UPRT: variants seen among roughly 807,000 people sequenced by gnomAD.
UPRT encodes uracil phosphoribosyltransferase homolog, also known as RP11-311P8.3.
In UPRT, 5 loss-of-function variants were observed where a neutral mutation model predicts 22.6. The observed-to-expected ratio is 0.22, with a 90% CI of 0.12 to 0.47. The LOEUF (loss-of-function observed/expected upper bound fraction) is 0.47. UPRT is among the 20% of genes least tolerant of loss of function. UPRT has a pLI of 0.99. For missense variants in UPRT, 181 were observed against 239.9 expected (o/e 0.75, Z 1.62); for synonymous variants, 77 against 87.7 (o/e 0.88, Z 0.68).
chrX:75,237,467 A>G (rs1174292865), intron 4 of UPRT, among the ~76,000 whole-genome samples: 1 of 111,304 alleles, frequency 9.0e-6, no homozygotes, highest in African/African-American at 3.3e-5. Flanking sequence ...CCAAAGGACT[A>G]TAAATCATGC....
intron 4 of UPRT, among the ~76,000 whole-genome samples, chrX:75,215,399 G>T (rs1188371207): frequency 9.0e-6 from 1 of 111,357 alleles, no homozygotes; most frequent in Non-Finnish European, 1.9e-5. Context: ...ATTGACAACA[G>T]GATATTAATA....
chrX:75,229,053 T>A (rs181563444), intron 4 of UPRT, among the ~76,000 whole-genome samples: 461 of 111,957 alleles, frequency 4.1e-3, no homozygotes, highest in Non-Finnish European at 7.0e-3. Flanking sequence ...AACTTTCAGT[T>A]CTGAAATGAA....
chrX:75,279,243 C>T (rs1471257881), intron 1 of UPRT, among the ~76,000 whole-genome samples: 1 of 111,734 alleles, frequency 8.9e-6, no homozygotes, highest in Non-Finnish European at 1.9e-5. Context: ...ATTACATCAA[C>T]ACTGGAGGAA....
intron 4 of UPRT, among the ~76,000 whole-genome samples, chrX:75,240,592 A>G (rs1348421616): frequency 1.8e-5 from 2 of 111,753 alleles, no homozygotes; most frequent in African/African-American, 3.2e-5. Flanking sequence ...TAAAATTTAT[A>G]TGGAACAAAG....
chrX:75,168,363 A>G (rs1334087466), intron 4 of UPRT, among the ~76,000 whole-genome samples: 2 of 90,148 alleles, frequency 2.2e-5, no homozygotes, highest in Non-Finnish European at 4.2e-5. Context: ...CTCATCTCTT[A>G]TTGGACCCAA....
intron 1 of UPRT, among the ~76,000 whole-genome samples, chrX:75,278,850 C>T (rs2082642194): frequency 1.8e-5 from 2 of 111,127 alleles, no homozygotes; most frequent in African/African-American, 6.6e-5. Context: ...CTTTAGTCAC[C>T]TGGAGGGGAG....
chrX:75,276,844 C>A (rs535527545), intron 1 of UPRT, among the ~76,000 whole-genome samples: 18 of 111,678 alleles, frequency 1.6e-4, no homozygotes, highest in African/African-American at 5.5e-4. Flanking sequence ...TTTGTCATCA[C>A]CCCAGCAAGA....
chrX:75,275,186 T>C (rs767575286), intron 1 of UPRT, among the ~76,000 whole-genome samples: 1 of 111,861 alleles, frequency 8.9e-6, no homozygotes, highest in South Asian at 3.7e-4. Context: ...AAGCTTATCG[T>C]CCAACTCTTA....
chrX:75,198,975 A>C (rs1297916831), intron 4 of UPRT, among the ~76,000 whole-genome samples: 1 of 112,104 alleles, frequency 8.9e-6, no homozygotes, highest in Non-Finnish European at 1.9e-5. Flanking sequence ...CCACAGAAGA[A>C]GCATATAGGC....
At chrX:75,261,479 A>T (rs1224026445) in intron 4 of UPRT, among the ~76,000 whole-genome samples, 1 of 111,871 alleles carries the variant, frequency 8.9e-6, no homozygotes, top group Non-Finnish European at 1.9e-5. Flanking sequence ...AAGAAGTTGA[A>T]TCTCTGAATA....
intron 4 of UPRT, among the ~76,000 whole-genome samples, chrX:75,237,120 C>T (rs1408767317): frequency 8.9e-6 from 1 of 112,128 alleles, no homozygotes; most frequent in Non-Finnish European, 1.9e-5. Flanking sequence ...CAAACAAACC[C>T]ATCAAACAGT....
intron 2 of UPRT, among the ~76,000 whole-genome samples, chrX:75,161,208 G>A (rs1167973441): frequency 8.9e-6 from 1 of 111,990 alleles, no homozygotes; most frequent in African/African-American, 3.2e-5. Context: ...TCCACTCAAC[G>A]CACATAAAGA....
At chrX:75,269,333 A>G (rs2082600566), upstream of UPRT, among the ~76,000 whole-genome samples, 1 of 112,022 alleles carries the variant, frequency 8.9e-6, no homozygotes, top group Non-Finnish European at 1.9e-5. Flanking sequence ...ATACTGCCCA[A>G]ATGAATTTAT....
chrX:75,185,246 G>C (rs1487719970), intron 4 of UPRT, among the ~76,000 whole-genome samples: 2 of 111,834 alleles, frequency 1.8e-5, no homozygotes, highest in Non-Finnish European at 3.8e-5. Flanking sequence ...GTTGAATTTT[G>C]TCAAAGGCCT....
At chrX:75,205,206 T>TA (rs1342865295) in intron 4 of UPRT, among the ~76,000 whole-genome samples, 1 of 105,925 alleles carries the variant, frequency 9.4e-6, no homozygotes, top group East Asian at 3.0e-4. Flanking sequence ...CCGTCTCTAC[T>TA]AAAAATACAA....
chrX:75,177,595 G>A (rs965423263), intron 4 of UPRT, among the ~76,000 whole-genome samples: 15 of 111,795 alleles, frequency 1.3e-4, no homozygotes, highest in African/African-American at 4.9e-4. Context: ...CCCTGAGGGA[G>A]GGAAAGGATC....
At chrX:75,274,022 C>T (rs914944411), upstream of UPRT, 1 of 393,779 alleles carries the variant, frequency 2.5e-6, no homozygotes, top group African/African-American at 2.5e-5. Context: ...CGCAGAGTGG[C>T]GGGGAGTGCA....
chrX:75,256,359 A>T (rs994566421), intron 4 of UPRT, among the ~76,000 whole-genome samples: 1 of 111,933 alleles, frequency 8.9e-6, no homozygotes, highest in African/African-American at 3.2e-5. Context: ...AGGTACAGCA[A>T]AGCTGGTGCT....
At chrX:75,196,296 C>T (rs1209143562) in intron 4 of UPRT, among the ~76,000 whole-genome samples, 1 of 111,874 alleles carries the variant, frequency 8.9e-6, no homozygotes, top group Non-Finnish European at 1.9e-5. Context: ...CTCCTGAGTA[C>T]CTGGGACTAT....
Sources: allele counts gnomAD v4.1 joint callset (sites outside exome capture counted in the v4.1 genomes callset), GRCh38; gene constraint gnomAD v4.1.1; transcripts MANE v1.5; gene names NCBI Gene and HGNC (gene_info 2026-07-23, HGNC 2026-07-21).